Variants in LIPA observed in about 807,000 individuals in gnomAD.
LIPA encodes the protein lysosomal acid lipase/cholesteryl ester hydrolase.
In LIPA, 26 loss-of-function variants were observed where a neutral mutation model predicts 40.6. That is an observed-to-expected ratio of 0.64 (90% confidence interval 0.47 to 0.89). The LOEUF is 0.89. Ranked by LOEUF, LIPA falls within the 40% of genes least tolerant of loss-of-function variation. The pLI is 0.00. For missense variants in LIPA, 455 were observed against 479.6 expected (o/e 0.95, Z 0.48); for synonymous variants, 188 against 168.4 (o/e 1.12, Z -0.90).
In LIPA at chr10:89,223,858, A is replaced by G. The variant is rs377325402; in HGVS notation, c.676-28T>C. The G allele has an allele frequency of 1.0e-4, 169 of 1,612,314 alleles. 2 individuals carry two copies. Among genetic ancestry groups the G allele is most frequent in the Middle Eastern group, 9.9e-4 (6 of 6,084 alleles). ...ACAAAATAAAAAGAAACCCAAGAAC[A>G]TCTCAGCATTTCACTCTGGTGCATA... is the stretch of plus-strand genomic sequence containing the variant. On this transcript the variant is annotated intron_variant, in intron 6 of 9. Transcript: ENST00000336233.
At chr10:89,271,138 G>A (rs746027173) in intron 1 of LIPA, among the ~76,000 whole-genome samples, 1 of 152,206 alleles carries the variant, frequency 6.6e-6, no homozygotes, top group East Asian at 1.9e-4. Context: ...TCTCTCATCT[G>A]TCTTCTCATG....
At chr10:89,399,015 T>C (rs985870766) in intron 2 of LIPA, among the ~76,000 whole-genome samples, 13 of 150,980 alleles carry the variant, frequency 8.6e-5, no homozygotes, top group African/African-American at 3.0e-4. Context: ...TTTCTCTAGA[T>C]TCTCACCAAT....
At chr10:89,258,568 G>C (rs761771047) in intron 1 of LIPA, among the ~76,000 whole-genome samples, 8 of 152,212 alleles carry the variant, frequency 5.3e-5, no homozygotes, top group Non-Finnish European at 1.0e-4. Context: ...TGAGGATGTG[G>C]AGAAATGTGA....
chr10:89,290,364 G>A (rs1327297446), intron 1 of LIPA, among the ~76,000 whole-genome samples: 1 of 152,000 alleles, frequency 6.6e-6, no homozygotes, highest in Non-Finnish European at 1.5e-5. Flanking sequence ...TCTTTCTTCA[G>A]CTTAATCTCT....
At chr10:89,320,909 T>C (rs533978595) in intron 1 of LIPA, among the ~76,000 whole-genome samples, 7 of 151,916 alleles carry the variant, frequency 4.6e-5, no homozygotes, top group Non-Finnish European at 8.8e-5. Context: ...TCAGAAATAA[T>C]ACCACACATC....
chr10:89,339,945 T>C, intron 1 of LIPA: 1 of 1,614,200 alleles, frequency 6.2e-7, no homozygotes, highest in South Asian at 1.1e-5. Flanking sequence ...AGAATGGAGA[T>C]CTGCTGCAAG....
intron 7 of LIPA, among the ~76,000 whole-genome samples, chr10:89,223,300 G>GAAGTT (rs60298834): frequency 1 from 152,236 of 152,304 alleles, 76,084 homozygotes; most frequent in Middle Eastern, 1. Flanking sequence ...TACTCAACAG[G>GAAGTT]CTTCAGCCCT....
At chr10:89,393,334 G>C in intron 2 of LIPA, 10 of 1,278,890 alleles carry the variant, frequency 7.8e-6, no homozygotes, top group Non-Finnish European at 1.0e-5. Context: ...GGAAAATCTA[G>C]GCTCTTGGTA....
In LIPA at chr10:89,377,660, G is replaced by A. The variant is rs554014373; in HGVS notation, c.61+35131C>T. On this transcript the variant is annotated intron_variant, in intron 2 of 8. Coordinates refer to the LIPA transcript ENST00000371837. ...CTTTTAGGCACAAACCACTGACCCT[G>A]GTCTAAGGAGCTTCCATTGTAGACG... Among the ~76,000 whole-genome samples the A allele has an allele frequency of 2.6e-5, 4 of 152,284 alleles. No individual in the cohort carries two copies. In the South Asian group the frequency reaches 8.3e-4, roughly 32 times the overall value.
intron 2 of LIPA, chr10:89,403,696 T>A: frequency 6.3e-7 from 1 of 1,587,668 alleles, no homozygotes; most frequent in Non-Finnish European, 8.6e-7. Context: ...GAGAACTCTG[T>A]GAGACAAGGT....
chr10:89,367,220 T>C (rs149157429), intron 2 of LIPA, among the ~76,000 whole-genome samples: 1 of 152,264 alleles, frequency 6.6e-6, no homozygotes, highest in East Asian at 1.9e-4. Flanking sequence ...ATATACCTAA[T>C]GTAAATGACA....
chr10:89,410,982 G>GA (rs1704291695), intron 2 of LIPA, among the ~76,000 whole-genome samples: 1 of 152,066 alleles, frequency 6.6e-6, no homozygotes, highest in South Asian at 2.1e-4. Context: ...AAGTAGTAAA[G>GA]AAAAAACAGT....
chr10:89,408,645 C>A (rs183826030), intron 2 of LIPA, among the ~76,000 whole-genome samples: 1 of 152,352 alleles, frequency 6.6e-6, no homozygotes, highest in East Asian at 1.9e-4. Context: ...CAGATCAAGG[C>A]AGACCTGGAG....
intron 1 of LIPA, chr10:89,292,147 G>GT (rs1367895878): frequency 6.6e-6 from 1 of 152,202 alleles, no homozygotes; most frequent in Non-Finnish European, 1.5e-5. Flanking sequence ...GAGCATCTTT[G>GT]TTACAGCGGC....
intron 2 of LIPA, among the ~76,000 whole-genome samples, chr10:89,394,609 TATATATATATATATATATAA>T (rs1475799400): frequency 0.066 from 1,991 of 30,086 alleles, 96 homozygotes; most frequent in African/African-American, 0.16. Context: ...TATATATATA[TATATATATATATATATATAA>T]AACTTGAATT....
chr10:89,294,775 G>A (rs1843400277), intron 1 of LIPA, among the ~76,000 whole-genome samples: 1 of 151,956 alleles, frequency 6.6e-6, no homozygotes, highest in South Asian at 2.1e-4. Context: ...AGGAGTTTGA[G>A]AGCAGCCTGG....
intron 1 of LIPA, among the ~76,000 whole-genome samples, chr10:89,268,197 C>T (rs1331645857): frequency 2.0e-5 from 3 of 152,154 alleles, no homozygotes. Flanking sequence ...AGGGGTCAGG[C>T]TGCCCACATT....
chr10:89,275,767 T>G (rs1843286570), intron 1 of LIPA, among the ~76,000 whole-genome samples: 1 of 152,220 alleles, frequency 6.6e-6, no homozygotes, highest in South Asian at 2.1e-4. Flanking sequence ...ATTTTACTTT[T>G]TTAAGCCTCA....
At chr10:89,407,785 C>T (rs746819823) in intron 2 of LIPA, among the ~76,000 whole-genome samples, 94 of 152,214 alleles carry the variant, frequency 6.2e-4, no homozygotes, top group Middle Eastern at 3.4e-3. Flanking sequence ...CGATTTTTCT[C>T]GGTCCTCTTT....
Sources: gnomAD v4.1 joint callset for allele counts (sites outside exome capture counted in the v4.1 genomes callset) on GRCh38, gnomAD v4.1.1 for gene constraint, MANE v1.5 for transcripts, NCBI Gene and HGNC (gene_info 2026-07-23, HGNC 2026-07-21) for gene names.